Variants in SMG1 observed in about 807,000 individuals in gnomAD.
SMG1 encodes serine/threonine-protein kinase SMG1.
SMG1 carries 22 observed loss-of-function variants against 419.9 expected under a neutral mutation model. The ratio of observed to expected loss-of-function variants is 0.05; its 90% CI spans 0.04 to 0.07. The LOEUF (loss-of-function observed/expected upper bound fraction) is 0.07. Among genes scored for constraint, SMG1 ranks in the 10% least tolerant of loss-of-function variants. SMG1 has a pLI of 1.00. For synonymous variants in SMG1, 1,538 were observed against 1,553.5 expected (o/e 0.99, Z 0.23); for missense variants, 3,185 against 4,342.0 (o/e 0.73, Z 7.49).
At chr16:18,854,591 A>G (rs2034793711) in intron 30 of SMG1, 65 bp downstream of exon 30, 1 of 1,435,052 alleles carries the variant, frequency 7.0e-7, no homozygotes, top group Non-Finnish European at 9.4e-7. Flanking sequence ...CCATACATAC[A>G]CAGTAACATT....
At position 18,811,745 on chromosome 16, in the gene SMG1, T is replaced by A; in HGVS notation, c.10908+16A>T. On this transcript the variant is annotated intron_variant, in intron 62 of 62. Coordinates refer to ENST00000446231, the MANE Select transcript of SMG1 (RefSeq NM_015092.5). The stretch of plus-strand genomic sequence containing the variant: ...GCAGCATTAAAATGTGTAGCCCAAG[T>A]TTAAAACACGGTCACCTGTTCAGCA... The A allele has an allele frequency of 5.6e-6, 9 of 1,610,928 alleles. No individual in the cohort carries two copies. The highest frequency in any genetic ancestry group is 7.6e-6 in the Non-Finnish European group (9 of 1,177,208).
intron 1 of SMG1, among the ~76,000 whole-genome samples, chr16:18,908,097 T>G (rs938359896): frequency 2.6e-5 from 4 of 151,870 alleles, no homozygotes; most frequent in African/African-American, 9.7e-5. Context: ...CAGGCGCAGT[T>G]GATCACTCCT....
chr16:18,848,391 C>G (rs2034391130), intron 36 of SMG1, among the ~76,000 whole-genome samples: 1 of 150,942 alleles, frequency 6.6e-6, no homozygotes, highest in Admixed American at 6.6e-5. Context: ...AATCTCGGCT[C>G]ACTGCAACCT....
At chr16:18,851,943 A>T in intron 33 of SMG1, 124 bp downstream of exon 33, 1 of 1,024,268 alleles carries the variant, frequency 9.8e-7, no homozygotes, top group South Asian at 2.2e-5. Flanking sequence ...AAAATGCAGA[A>T]GTTTTTATTT....
At chr16:18,828,229 G>A (rs1415517171) in intron 54 of SMG1, 61 bp from the exon 55 acceptor site, 5 of 1,556,366 alleles carry the variant, frequency 3.2e-6, no homozygotes, top group Non-Finnish European at 4.4e-6. Context: ...GATAAATAAG[G>A]GAAGGGAGGC....
intron 9 of SMG1, among the ~76,000 whole-genome samples, chr16:18,883,868 G>A (rs1269398605): frequency 4.0e-5 from 6 of 148,834 alleles, no homozygotes; most frequent in Non-Finnish European, 5.9e-5. Context: ...GCAGTGAGCC[G>A]AGACCGTGCC....
Position 18,923,927 on chromosome 16 carries a change from C to T in SMG1, c.92+2023G>A, listed in dbSNP as rs1443308096. Among the ~76,000 whole-genome samples, 12 of 152,190 alleles carry T rather than the reference C, an allele frequency of 7.9e-5. No individual in the cohort carries two copies. In the East Asian group the frequency reaches 2.1e-3, roughly 27 times the overall value. ...CACCCCAGGTATTTTTATTGACTAA[C>T]AAATCAGCTATGACAATCTTAGCAA... On this transcript the variant is annotated intron_variant, in intron 1 of 62. Coordinates refer to ENST00000446231, the MANE Select transcript of SMG1 (RefSeq NM_015092.5).
intron 35 of SMG1, 137 bp downstream of exon 35, chr16:18,849,812 G>A: frequency 1.2e-6 from 1 of 800,834 alleles, no homozygotes; most frequent in East Asian, 2.7e-5. Flanking sequence ...GTAACAAGCA[G>A]TGCAGGGTGT....
rs1402468195 is a variant in SMG1, at chr16:18,805,159, G to A, written c.*4410C>T. 2 of 152,298 alleles carry A rather than the reference G, an allele frequency of 1.3e-5. No individual in the cohort carries two copies. The highest frequency in any genetic ancestry group is 2.4e-5 in the African/African-American group (1 of 41,442). The allele number at this position is 152,298 out of a possible 1,614,324, so 9.4% of individuals were successfully genotyped here. A position where few individuals can be genotyped will look rare whatever the true frequency, so the allele number is the denominator to read the frequency against. ...ATAAGGGTAAAAAGTAAATTAACAAGTAAGTGAAGTATGATGTTGTTGCCA... is the reference window on the plus strand; with the variant it reads ...ATAAGGGTAAAAAGTAAATTAACAAATAAGTGAAGTATGATGTTGTTGCCA... On this transcript the variant is annotated 3_prime_UTR_variant, in exon 63 of 63. Transcript: ENST00000446231.
chr16:18,870,835 G>C lies in SMG1; in HGVS notation c.2356C>G (p.Leu786Val). The change falls in exon 17 of 63, where the codon CTG becomes GTG. Residue 786 changes from leucine (L) to valine (V), a missense_variant. By Grantham distance (32) the Leu-to-Val change is conservative. Around this residue, in one of 27 missense-constraint regions of SMG1, gnomAD observed 297 missense variants for 491.0 expected, o/e 0.60. Transcript: ENST00000446231. The part of the protein sequence containing the change: ...CLQACSSLHA[L>V]SSSLPDDLLQ... ...AGATCATCTGGCAAGGAAGAGGACA[G>C]AGCATGTAGACTGCTGCATGCCTGC... The C allele has an allele frequency of 1.3e-6, 2 of 1,589,768 alleles. No individual in the cohort carries two copies. The highest frequency in any genetic ancestry group is 1.7e-6 in the Non-Finnish European group (2 of 1,167,914).
At chr16:18,835,303 C>G in intron 48 of SMG1, 139 bp from the exon 49 acceptor site, 1 of 950,546 alleles carries the variant, frequency 1.1e-6, no homozygotes, top group Non-Finnish European at 1.5e-6. Context: ...GTCTCAAGAG[C>G]TTAAGCAATT....
Position 18,809,459 on chromosome 16 carries a change from C to T in SMG1, c.*110G>A, listed in dbSNP as rs2031163219. On this transcript the variant is annotated 3_prime_UTR_variant, in exon 63 of 63. Transcript: ENST00000446231. ...ATTTCCTAGGTTTCCTCAGAGTAAG[C>T]CCCCAGTTGCATCACCACCGACTGT... is the stretch of plus-strand genomic sequence containing the variant. The T allele has an allele frequency of 1.3e-6, 1 of 783,154 alleles. No homozygotes were observed. The highest frequency in any genetic ancestry group is 2.2e-6 in the Non-Finnish European group (1 of 452,874). The allele number at this position is 783,154 out of a possible 1,614,324, so 48.5% of individuals were successfully genotyped here. A position where few individuals can be genotyped will look rare whatever the true frequency, so the allele number is the denominator to read the frequency against.
intron 1 of SMG1, among the ~76,000 whole-genome samples, chr16:18,901,159 A>G (rs982772771): frequency 1.3e-5 from 2 of 152,162 alleles, no homozygotes; most frequent in African/African-American, 4.8e-5. Flanking sequence ...TTATCGGTAA[A>G]ACTAGTTTAA....
intron 1 of SMG1, among the ~76,000 whole-genome samples, chr16:18,905,787 T>G (rs2141920350): frequency 6.6e-6 from 1 of 152,080 alleles, no homozygotes; most frequent in South Asian, 2.1e-4. Flanking sequence ...AATTTTTGTA[T>G]TTTTAGTAGA....
rs1429757727 is a variant in SMG1, at chr16:18,859,594, G to A, written c.3915C>T (p.Asn1305=). Reference sequence around the variant, plus strand: ...GCCACTTCTGATCTTGTTCTATCGGGTTTAAAGCAGTTGCCAAACAAACAG... The same window carrying A: ...GCCACTTCTGATCTTGTTCTATCGGATTTAAAGCAGTTGCCAAACAAACAG... ...RSSVCLATAL[N]PIEQDQKWQS... Residue 1305 remains asparagine (N), a synonymous_variant, in exon 27 of 63, where the codon AAC becomes AAT. Coordinates refer to ENST00000446231, the MANE Select transcript of SMG1 (RefSeq NM_015092.5). 6.3e-6 allele frequency: 10 copies of A among 1,596,692 alleles called. No homozygotes were observed. Among genetic ancestry groups the A allele is most frequent in the Admixed American group, 1.7e-5 (1 of 59,518 alleles).
At chr16:18,881,975 G>A (rs142818044) in intron 10 of SMG1, among the ~76,000 whole-genome samples, 190 bp downstream of exon 10, 2 of 152,204 alleles carry the variant, frequency 1.3e-5, no homozygotes, top group Non-Finnish European at 2.9e-5. Context: ...AAAGGAGGAT[G>A]AGATGTAACA....
At chr16:18,815,781 A>G in intron 58 of SMG1, 130 bp from the exon 59 acceptor site, 1 of 659,688 alleles carries the variant, frequency 1.5e-6, no homozygotes, top group Non-Finnish European at 2.5e-6. Context: ...GTTCAACTCC[A>G]TTTTTATAGG....
chr16:18,918,648 A>C (rs2038069939), intron 1 of SMG1, among the ~76,000 whole-genome samples: 1 of 152,214 alleles, frequency 6.6e-6, no homozygotes, highest in Non-Finnish European at 1.5e-5. Flanking sequence ...TCCTGGGTTC[A>C]AGCGATTCTC....
intron 33 of SMG1, among the ~76,000 whole-genome samples, chr16:18,850,714 T>A (rs2034543158): frequency 6.6e-6 from 1 of 152,188 alleles, no homozygotes; most frequent in Non-Finnish European, 1.5e-5. Context: ...TCGTTGTACT[T>A]TAAATGCTTC....
Sources: gnomAD v4.1 joint callset for allele counts (sites outside exome capture counted in the v4.1 genomes callset) on GRCh38, gnomAD v4.1.1 for gene constraint, gnomAD v4.1.1 regional missense constraint, MANE v1.5 for transcripts, NCBI Gene and HGNC (gene_info 2026-07-23, HGNC 2026-07-21) for gene names.